PAX8: variants seen among roughly 807,000 people sequenced by gnomAD.
The protein encoded by PAX8 is paired box 8.
Under a neutral mutation model 52.4 loss-of-function variants are expected in PAX8, and 15 were observed. The ratio of observed to expected loss-of-function variants is 0.29; its 90% confidence interval spans 0.19 to 0.44. The LOEUF is 0.44. Among genes scored for constraint, PAX8 ranks in the 20% least tolerant of loss-of-function variants. The pLI is 1.00. For synonymous variants in PAX8, 284 were observed against 249.7 expected (o/e 1.14, Z -1.29); for missense variants, 554 against 602.5 (o/e 0.92, Z 0.84).
At chr2:113,241,947 A>AT (rs1690885432) in intron 6 of PAX8, 61 bp downstream of exon 6, 1 of 1,596,272 alleles carries the variant, frequency 6.3e-7, no homozygotes, top group Non-Finnish European at 8.6e-7. Context: ...TTCTGTCCCC[A>AT]TCAAAGCCTG....
At position 113,242,018 on chromosome 2, in the gene PAX8, T is replaced by C; in HGVS notation, c.591A>G (p.Lys197=). 1 of 1,613,690 alleles carries C rather than the reference T, an allele frequency of 6.2e-7. No homozygotes were observed. Among genetic ancestry groups the C allele is most frequent in the Non-Finnish European group, 8.5e-7 (1 of 1,179,824 alleles). Residue 197 remains lysine, a synonymous_variant, in exon 6 of 12, where the codon AAA becomes AAG. Transcript: ENST00000429538. ...TGTCCCAGCACTCACTGTCATCCAT[T>C]TTCCTCTTGTCGCTGCCAGGCTGAG... is the stretch of plus-strand genomic sequence containing the variant. ...GIAQPGSDKR[K]MDDSDQDSCR...
Position 113,278,376 on chromosome 2 carries a change from T to G in PAX8, c.19A>C (p.Arg7=). 1 of 1,608,122 alleles carries G rather than the reference T, an allele frequency of 6.2e-7. No homozygotes were observed. The highest frequency in any genetic ancestry group is 1.1e-5 in the South Asian group (1 of 90,752). ...GACCACACCGCGTTCTTACCAGATC[T>G]GATGGAGTTGTGAGGCATCGCCGGG... The part of the protein sequence containing the change: MPHNSI[R]SGHGGLNQLG... The change falls in exon 2 of 12, where the codon AGA becomes CGA. Residue 7 remains arginine (R), a synonymous_variant. Coordinates refer to ENST00000429538, the MANE Select transcript of PAX8 (RefSeq NM_003466.4).
At chr2:113,260,004 C>T (rs1362597622) in intron 2 of PAX8, among the ~76,000 whole-genome samples, 1 of 152,224 alleles carries the variant, frequency 6.6e-6, no homozygotes, top group Admixed American at 6.5e-5. Context: ...CTCAACTCCC[C>T]CTGAGGTCAG....
chr2:113,267,471 G>A (rs1456422895), intron 2 of PAX8: 2 of 152,176 alleles, frequency 1.3e-5, no homozygotes, highest in African/African-American at 4.8e-5. Context: ...TGAGGAGCTA[G>A]TGGCCAGGAG....
chr2:113,226,181 A>G (rs1157395540), intron 10 of PAX8: 1 of 985,270 alleles, frequency 1.0e-6, no homozygotes, highest in African/African-American at 1.7e-5. Flanking sequence ...GGTGGCTGGC[A>G]AAGATTAACT....
chr2:113,226,658 T>A (rs1689594189), intron 10 of PAX8: 1 of 1,089,602 alleles, frequency 9.2e-7, no homozygotes, highest in Non-Finnish European at 1.1e-6. Context: ...TTCATCATCA[T>A]CATCGTCATC....
At chr2:113,275,353 C>T (rs922783905) in intron 2 of PAX8, 4 of 152,180 alleles carry the variant, frequency 2.6e-5, no homozygotes, top group African/African-American at 9.7e-5. Flanking sequence ...AACCCCAATA[C>T]CTCTTTATGT....
chr2:113,270,092 C>T (rs1693361216), intron 2 of PAX8: 1 of 152,184 alleles, frequency 6.6e-6, no homozygotes. Flanking sequence ...TCCCAGTACT[C>T]CTAGGTGGTA....
At position 113,236,630 on chromosome 2, in the gene PAX8, G is replaced by C. The variant is rs199524980; in HGVS notation, c.869C>G (p.Ser290Trp). 25 of 1,591,962 alleles carry C rather than the reference G, an allele frequency of 1.6e-5. No individual in the cohort carries two copies. In the East Asian group the frequency reaches 5.0e-4, roughly 32 times the overall value. ...CACCACGGGGTAGGTCTGGTGAGTC[G>C]AGAGGTTGCGCCCCAGTGGCGTGTT... ...PSNTPLGRNL[S>W]THQTYPVVAD... is the part of the protein sequence containing the mutation. The change falls in exon 8 of 12, where the codon TCG becomes TGG. Residue 290 changes from serine to tryptophan, a missense_variant. Ser to Trp is a radical substitution (Grantham distance 177). Coordinates refer to ENST00000429538, the MANE Select transcript of PAX8 (RefSeq NM_003466.4).
intron 1 of PAX8, 111 bp from the exon 2 acceptor site, chr2:113,278,580 G>A: frequency 1.9e-6 from 2 of 1,044,254 alleles, no homozygotes; most frequent in South Asian, 3.0e-5. Context: ...CCAGGAGTAG[G>A]AGGATTTTTA....
At chr2:113,249,238 A>C (rs1290857605) in intron 2 of PAX8, among the ~76,000 whole-genome samples, 3 of 152,268 alleles carry the variant, frequency 2.0e-5, no homozygotes, top group African/African-American at 7.2e-5. Context: ...CCCAGTCCTA[A>C]GCCCATTCCT....
At chr2:113,219,978 G>A in intron 11 of PAX8, 114 bp downstream of exon 11, 1 of 697,520 alleles carries the variant, frequency 1.4e-6, no homozygotes, top group South Asian at 1.7e-5. Context: ...CATCTCCCAG[G>A]CCCTCTGTAT....
rs377351599 is a variant in PAX8, at chr2:113,227,235, G to C, written c.1109C>G (p.Thr370Arg). The change falls in exon 10 of 12, where the codon ACG becomes AGG. Residue 370 changes from threonine (T) to arginine (R), a missense_variant. Physicochemically the swap from Thr to Arg is moderately conservative, Grantham distance 71. This residue lies in a region of PAX8 where 445 missense variants were observed against 409.9 expected (regional missense o/e 1.09). Coordinates refer to ENST00000429538, the MANE Select transcript of PAX8 (RefSeq NM_003466.4). ...GATGTGGGGTGGGTATCCGGGCAGCGTGGGCCCCACCATCTCTCGCCCTGG... is the reference window on the plus strand; with the variant it reads ...GATGTGGGGTGGGTATCCGGGCAGCCTGGGCCCCACCATCTCTCGCCCTGG... ...LLSGREMVGP[T>R]LPGYPPHIPT... 1 of 1,610,228 alleles carries C rather than the reference G, an allele frequency of 6.2e-7. No homozygotes were observed. The highest frequency in any genetic ancestry group is 8.5e-7 in the Non-Finnish European group (1 of 1,178,666).
intron 9 of PAX8, 81 bp downstream of exon 9, chr2:113,235,313 G>T: frequency 8.2e-7 from 1 of 1,224,206 alleles, no homozygotes. Flanking sequence ...TGAGGCCAGA[G>T]AGGGGGCTGG....
chr2:113,242,596 G>A lies in PAX8; in HGVS notation c.478+94C>T, dbSNP rs1445096852. The A allele has an allele frequency of 5.8e-6, 5 of 855,224 alleles. No individual in the cohort carries two copies. In the African/African-American group the frequency reaches 6.6e-5, roughly 11 times the overall value. The allele number at this position is 855,224 out of a possible 1,614,324, so 53.0% of individuals were successfully genotyped here. A position where few individuals can be genotyped will look rare whatever the true frequency, so the allele number is the denominator to read the frequency against. On this transcript the variant is annotated intron_variant, in intron 5 of 11. Transcript: ENST00000429538. Reference sequence around the variant, plus strand: ...GTACTGTGCACAGCTATGTCTGTGTGGGTGTGTCTGTGTGTGCCTCTGTGT... The same window carrying A: ...GTACTGTGCACAGCTATGTCTGTGTAGGTGTGTCTGTGTGTGCCTCTGTGT...
intron 2 of PAX8, 79 bp downstream of exon 2, chr2:113,278,291 G>A (rs1157717467): frequency 4.9e-5 from 58 of 1,191,150 alleles, no homozygotes; most frequent in Non-Finnish European, 6.8e-5. Flanking sequence ...TGACGCTCTC[G>A]AGATCCAACC....
chr2:113,217,263 G>A lies in PAX8; in HGVS notation c.*1270C>T, dbSNP rs1479881877. The A allele has an allele frequency of 8.7e-6, 2 of 228,650 alleles. No homozygotes were observed. The highest frequency in any genetic ancestry group is 6.3e-5 in the East Asian group (1 of 15,966). 14.2% of individuals were successfully genotyped at this position (228,650 alleles called of 1,614,324 possible). A position where few individuals can be genotyped will look rare whatever the true frequency, so the allele number is the denominator to read the frequency against. Reference sequence around the variant, plus strand: ...CATCAGATGGTCCCTTCCAGCCCACGGCCCCAAAGTGAGTTTGTCGGCTAC... The same window carrying A: ...CATCAGATGGTCCCTTCCAGCCCACAGCCCCAAAGTGAGTTTGTCGGCTAC... On this transcript the variant is annotated 3_prime_UTR_variant, in exon 12 of 12. Coordinates refer to ENST00000429538, the MANE Select transcript of PAX8 (RefSeq NM_003466.4).
intron 2 of PAX8, among the ~76,000 whole-genome samples, chr2:113,252,798 C>T (rs952987619): frequency 1.3e-5 from 2 of 152,188 alleles, no homozygotes; most frequent in Admixed American, 6.5e-5. Context: ...CATTACTTAC[C>T]TCTTCTTTTA....
chr2:113,278,494 T>C (rs1328470198), intron 1 of PAX8, 25 bp from the exon 2 acceptor site: 1 of 1,529,008 alleles, frequency 6.5e-7, no homozygotes, highest in Non-Finnish European at 8.9e-7. Flanking sequence ...GAGAAGGGCA[T>C]GAGATGCGAT....
Sources: gnomAD v4.1 joint callset for allele counts (sites outside exome capture counted in the v4.1 genomes callset) on GRCh38, gnomAD v4.1.1 for gene constraint, gnomAD v4.1.1 regional missense constraint, MANE v1.5 for transcripts, NCBI Gene and HGNC (gene_info 2026-07-23, HGNC 2026-07-21) for gene names.